The following SZT2 variants were observed in gnomAD, a reference collection of about 807,000 sequenced individuals.
SZT2 encodes KICSTOR complex protein SZT2.
Under a neutral mutation model 404.2 loss-of-function variants are expected in SZT2, and 216 were observed. The ratio of observed to expected loss-of-function variants is 0.53; its 90% CI spans 0.48 to 0.60. The LOEUF (loss-of-function observed/expected upper bound fraction) is 0.60. Ranked by LOEUF, SZT2 falls within the 20% of genes least tolerant of loss-of-function variation. SZT2 has a pLI of 0.00. For missense variants in SZT2, 3,857 were observed against 4,459.2 expected, an observed-to-expected ratio of 0.86 and a Z score of 3.85; for synonymous variants, 1,693 against 1,749.9, an observed-to-expected ratio of 0.97 and a Z score of 0.81.
intron 7 of SZT2, among the ~76,000 whole-genome samples, 200 bp from the exon 8 acceptor site, chr1:43,419,534 C>T (rs1018581627): frequency 3.9e-5 from 6 of 152,086 alleles, no homozygotes; most frequent in East Asian, 1.9e-4. Flanking sequence ...ATGCTGTGGC[C>T]GGTTAGCATG....
At chr1:43,432,031 C>T in intron 36 of SZT2, 130 bp downstream of exon 36, 1 of 1,245,422 alleles carries the variant, frequency 8.0e-7, no homozygotes, top group Non-Finnish European at 1.1e-6. Flanking sequence ...CTGCTCACCA[C>T]ATCATCTGCC....
At chr1:43,394,017 T>A (rs960898056) in intron 1 of SZT2, 2 of 932,350 alleles carry the variant, frequency 2.1e-6, no homozygotes, top group African/African-American at 3.6e-5. Flanking sequence ...ACCCCGAAAC[T>A]CTACTTTGTC....
intron 1 of SZT2, among the ~76,000 whole-genome samples, chr1:43,395,174 C>A (rs982304922): frequency 1.1e-4 from 17 of 152,188 alleles, no homozygotes; most frequent in Admixed American, 8.5e-4. Context: ...TAGTCTGTGC[C>A]CTCTGTCTCG....
At chr1:43,447,477 G>C in intron 66 of SZT2, 68 bp from the exon 67 acceptor site, 1 of 1,568,408 alleles carries the variant, frequency 6.4e-7, no homozygotes, top group Non-Finnish European at 8.7e-7. Flanking sequence ...TCCCATCCCT[G>C]TGCCCCACCA....
chr1:43,421,448 T>G, intron 11 of SZT2, 145 bp downstream of exon 11: 1 of 1,178,888 alleles, frequency 8.5e-7, no homozygotes, highest in South Asian at 1.5e-5. Flanking sequence ...CCTTGAGAGC[T>G]TCTCTTCTCC....
rs754369695 is a variant in SZT2 at position 43,443,635 on chromosome 1, G to C, written c.8664G>C (p.Glu2888Asp). Reference sequence around the variant, plus strand: ...CTGAGTCAGGGTCTGGGAGCCGAGAGGCCCCCACAAGCTGTGAATCCTTGG... The same window carrying C: ...CTGAGTCAGGGTCTGGGAGCCGAGACGCCCCCACAAGCTGTGAATCCTTGG... ...HRPESGSGSREAPTSCESLDV... is the reference protein window; with the variant it reads ...HRPESGSGSRDAPTSCESLDV... Residue 2888 changes from glutamate (E) to aspartate (D), a missense_variant, in exon 62 of 72, where the codon GAG becomes GAC. Transcript: ENST00000634258. 2.5e-6 allele frequency: 4 copies of C among 1,614,092 alleles called. No homozygotes were observed. Among genetic ancestry groups the C allele is most frequent in the South Asian group, 1.1e-5 (1 of 91,088 alleles).
Position 43,448,785 on chromosome 1 carries a change from C to T in SZT2, c.10086+57C>T. On this transcript the variant is annotated intron_variant, in intron 70 of 71. Coordinates refer to ENST00000634258, the MANE Select transcript of SZT2 (RefSeq NM_001365999.1). The surrounding 1 kb of genome is among the most constrained non-coding windows in gnomAD (Gnocchi z 4.2). ...AAACACAGCAGAAATCCTCACCAAA[C>T]AGATGTGCCCCTCAGCCTGACCAAA... 1 of 1,514,402 alleles carries T rather than the reference C, an allele frequency of 6.6e-7. No individual in the cohort carries two copies. Among genetic ancestry groups the T allele is most frequent in the Non-Finnish European group, 9.2e-7 (1 of 1,090,300 alleles). 93.8% of individuals were successfully genotyped at this position (1,514,402 alleles called of 1,614,324 possible).
chr1:43,438,667 T>G, intron 46 of SZT2, 32 bp from the exon 47 acceptor site: 3 of 1,601,062 alleles, frequency 1.9e-6, no homozygotes, highest in Non-Finnish European at 2.6e-6. Context: ...CCTCTACCAG[T>G]GTCCCCACCT....
chr1:43,454,137 G>T lies in SZT2; in HGVS notation c.*3657G>T. On this transcript the variant is annotated 3_prime_UTR_variant, in exon 72 of 72. Coordinates refer to ENST00000634258, the MANE Select transcript of SZT2 (RefSeq NM_001365999.1). ...GCCCGAGGGCCCGGTTGCAATGATG[G>T]GACGCGCACTTTAATACTGAGTCTT... The T allele has an allele frequency of 3.1e-6, 2 of 636,874 alleles. No homozygotes were observed. The highest frequency in any genetic ancestry group is 3.9e-5 in the African/African-American group (2 of 51,248). 39.5% of individuals were successfully genotyped at this position (636,874 alleles called of 1,614,324 possible).
At chr1:43,396,604 G>A (rs1649025377) in intron 1 of SZT2, among the ~76,000 whole-genome samples, 1 of 152,218 alleles carries the variant, frequency 6.6e-6, no homozygotes, top group Admixed American at 6.5e-5. Flanking sequence ...TTACTAATCT[G>A]TGCATTTATA....
At chr1:43,438,568 C>T (rs896564062) in intron 46 of SZT2, 131 bp from the exon 47 acceptor site, 3 of 837,136 alleles carry the variant, frequency 3.6e-6, no homozygotes, top group African/African-American at 1.7e-5. Flanking sequence ...TGCTGGCTAC[C>T]TCCAGAGCCA....
intron 66 of SZT2, 115 bp from the exon 67 acceptor site, chr1:43,447,430 C>G (rs1655808907): frequency 7.1e-7 from 1 of 1,414,450 alleles, no homozygotes. Flanking sequence ...CTAAGGAAAG[C>G]AGACCCACTC....
rs968971697 is a variant in SZT2, at chr1:43,428,701, G to A, written c.4166+215G>A. On this transcript the variant is annotated intron_variant, in intron 28 of 71. Transcript: ENST00000634258. ...CTCCCAGGCTCTCCCCATCTCCCCT[G>A]CTTTGGTGTTGAGTGATGAGCTGAG... The A allele has an allele frequency of 6.6e-6, 4 of 609,258 alleles. 1 individual carries two copies. In the South Asian group the frequency reaches 8.2e-5, roughly 12 times the overall value. 37.7% of individuals were successfully genotyped at this position (609,258 alleles called of 1,614,324 possible). A position where few individuals can be genotyped will look rare whatever the true frequency, so the allele number is the denominator to read the frequency against.
rs775087971 is a variant in SZT2 at position 43,432,827 on chromosome 1, T to G, written c.5602+28T>G. The G allele has an allele frequency of 3.1e-6, 5 of 1,611,878 alleles. No individual in the cohort carries two copies. In the South Asian group the frequency reaches 5.5e-5, roughly 18 times the overall value. ...AAGCTGGGGGGACGGGGTGAAGGAC[T>G]CTAAGCTGATGGGAGGTGGGCTTAG... On this transcript the variant is annotated intron_variant, in intron 39 of 71. Coordinates refer to ENST00000634258, the MANE Select transcript of SZT2 (RefSeq NM_001365999.1).
At position 43,422,880 on chromosome 1, in the gene SZT2, C is replaced by T. The variant is rs201529142; in HGVS notation, c.2034C>T (p.His678=). The T allele has an allele frequency of 1.2e-4, 196 of 1,581,038 alleles. No homozygotes were observed. Among genetic ancestry groups the T allele is most frequent in the Non-Finnish European group, 1.6e-4 (191 of 1,171,220 alleles). ...TTGGCACACCAGCACCGGCCCGGCACAAGGTAAGCTGGGCCCTGACTGACT... is the reference window on the plus strand; with the variant it reads ...TTGGCACACCAGCACCGGCCCGGCATAAGGTAAGCTGGGCCCTGACTGACT... ...FPIGTPAPAR[H]KIVSGLREEI... Residue 678 remains histidine, a synonymous_variant, in exon 14 of 72, where the codon CAC becomes CAT. Coordinates refer to ENST00000634258, the MANE Select transcript of SZT2 (RefSeq NM_001365999.1).
chr1:43,448,179 C>A lies in SZT2; in HGVS notation c.9664C>A (p.Pro3222Thr), dbSNP rs1419111588. 2 of 1,611,916 alleles carry A rather than the reference C, an allele frequency of 1.2e-6. No individual in the cohort carries two copies. Among genetic ancestry groups the A allele is most frequent in the Non-Finnish European group, 1.7e-6 (2 of 1,178,760 alleles). ...FRKPPRLPPEPEAPGSSAGSP... is the reference protein window; with the variant it reads ...FRKPPRLPPETEAPGSSAGSP... ...GAAGCCACCCAGACTGCCCCCTGAG[C>A]CAGAGGCTCCTGGGAGTTCAGCTGG... The change falls in exon 69 of 72, where the codon CCA (proline) becomes ACA (threonine). Residue 3222 changes from proline to threonine, a missense_variant. Pro to Thr is a conservative substitution (Grantham distance 38). Transcript: ENST00000634258. The surrounding 1 kb of genome is among the most constrained non-coding windows in gnomAD (Gnocchi z 4.2).
rs1307051624 is a variant in SZT2, at chr1:43,419,812, A to G, written c.958A>G (p.Thr320Ala). ...VELMKFIAMA[T>A]FGSYLSTCPE... ...ATTAATGAAGTTCATCGCAATGGCA[A>G]CATTTGGGTCCTACCTGTCCACTTG... The change falls in exon 8 of 72, where the codon ACA (threonine) becomes GCA (alanine). Residue 320 changes from threonine (T) to alanine (A), a missense_variant. By Grantham distance (58) the Thr-to-Ala change is moderately conservative. Around this residue, in one of 7 missense-constraint regions of SZT2, gnomAD observed 536 missense variants for 637.4 expected, o/e 0.84. Coordinates refer to ENST00000634258, the MANE Select transcript of SZT2 (RefSeq NM_001365999.1). 2 of 1,598,472 alleles carry G rather than the reference A, an allele frequency of 1.3e-6. No individual in the cohort carries two copies. Among genetic ancestry groups the G allele is most frequent in the Admixed American group, 1.7e-5 (1 of 60,026 alleles).
In SZT2 at chr1:43,437,172, T is replaced by A; in HGVS notation, c.6036T>A (p.Asp2012Glu). ...SRQRAPLPSD[D>E]YAADESCAPR... is the part of the protein sequence containing the mutation. ...TAATCCCTGCTCCCCCTCACCCAGA[T>A]TATGCTGCTGATGAGAGCTGTGCGC... is the stretch of plus-strand genomic sequence containing the variant. Residue 2012 changes from aspartate (D) to glutamate (E), a missense_variant and splice_region_variant, in exon 43 of 72, where the codon GAT becomes GAA. Asp to Glu is a conservative substitution (Grantham distance 45). Coordinates refer to ENST00000634258, the MANE Select transcript of SZT2 (RefSeq NM_001365999.1). The surrounding 1 kb of genome is among the most constrained non-coding windows in gnomAD (Gnocchi z 5.3). 1 of 1,614,100 alleles carries A rather than the reference T, an allele frequency of 6.2e-7. No individual in the cohort carries two copies. Among genetic ancestry groups the A allele is most frequent in the Non-Finnish European group, 8.5e-7 (1 of 1,180,018 alleles).
At chr1:43,438,010 C>CA in intron 46 of SZT2, 108 bp downstream of exon 46, 2 of 1,150,278 alleles carry the variant, frequency 1.7e-6, no homozygotes, top group Non-Finnish European at 2.6e-6. Flanking sequence ...GTAACAGTCT[C>CA]AGCCCAAGAC....
Sources: allele counts gnomAD v4.1 joint callset (sites outside exome capture counted in the v4.1 genomes callset), GRCh38; gene constraint gnomAD v4.1.1; regional missense constraint gnomAD v4.1.1; non-coding constraint Gnocchi (gnomAD v3.1); transcripts MANE v1.5; gene names NCBI Gene and HGNC (gene_info 2026-07-23, HGNC 2026-07-21).